PAMR1: variants seen among roughly 807,000 people sequenced by gnomAD.
The protein encoded by PAMR1 is inactive serine protease PAMR1.
A neutral mutation model predicts 81.8 loss-of-function variants in PAMR1; 88 were observed. The observed-to-expected ratio is 1.08, with a 90% CI of 0.91 to 1.28. PAMR1 has a LOEUF of 1.28. Among genes scored for constraint, PAMR1 ranks in the 50% most tolerant of loss-of-function variants. PAMR1 has a pLI of 0.00. For synonymous variants in PAMR1, 336 were observed against 345.3 expected, an observed-to-expected ratio of 0.97 and a Z score of 0.30; for missense variants, 935 against 919.7, an observed-to-expected ratio of 1.02 and a Z score of -0.21.
At chr11:35,521,492 C>G (rs1291167277) in intron 1 of PAMR1, among the ~76,000 whole-genome samples, 1 of 152,144 alleles carries the variant, frequency 6.6e-6, no homozygotes. Context: ...GAGGATCCAG[C>G]CTACCTCAAG....
At chr11:35,476,750 C>T (rs183377151) in intron 3 of PAMR1, among the ~76,000 whole-genome samples, 2 of 152,198 alleles carry the variant, frequency 1.3e-5, no homozygotes, top group East Asian at 1.9e-4. Context: ...TCAAGCCCTC[C>T]AAAGGTTCTC....
intron 1 of PAMR1, among the ~76,000 whole-genome samples, chr11:35,508,046 C>A (rs1851003343): frequency 6.6e-6 from 1 of 152,114 alleles, no homozygotes; most frequent in Non-Finnish European, 1.5e-5. Flanking sequence ...CTTTTTGCTG[C>A]GTTAAAGAGC....
Position 35,457,138 on chromosome 11 carries a change from A to G in PAMR1, c.820+10863T>C, listed in dbSNP as rs115200176. ...ATCTTGTTAAGCATTATATCTGGGC[A>G]TGTCTGTGAGGGTGTTTCTGGAAGA... On this transcript the variant is annotated intron_variant, in intron 6 of 10. Coordinates refer to ENST00000619888, the MANE Select transcript of PAMR1 (RefSeq NM_001001991.3). Among the ~76,000 whole-genome samples, 526 of 152,278 alleles carry G rather than the reference A, an allele frequency of 3.5e-3. 4 individuals are homozygous for G. Among genetic ancestry groups the G allele is most frequent in the African/African-American group, 0.012 (490 of 41,558 alleles).
At chr11:35,452,115 T>C (rs1215434111) in intron 6 of PAMR1, among the ~76,000 whole-genome samples, 1 of 152,032 alleles carries the variant, frequency 6.6e-6, no homozygotes, top group African/African-American at 2.4e-5. Context: ...AAAATAACTA[T>C]GCTGAATATG....
chr11:35,523,710 T>C (rs1049180089), intron 1 of PAMR1, among the ~76,000 whole-genome samples: 1 of 152,228 alleles, frequency 6.6e-6, no homozygotes, highest in Non-Finnish European at 1.5e-5. Flanking sequence ...GGAAATATTT[T>C]CCTTCTCCAC....
upstream of PAMR1, among the ~76,000 whole-genome samples, chr11:35,526,944 A>G (rs570528873): frequency 6.6e-6 from 1 of 152,312 alleles, no homozygotes; most frequent in South Asian, 2.1e-4. Context: ...GCTGAGCTCA[A>G]AGCAAAGTCT....
intron 2 of PAMR1, 137 bp from the exon 3 acceptor site, chr11:35,492,310 A>G: frequency 1.1e-6 from 1 of 902,558 alleles, no homozygotes; most frequent in Non-Finnish European, 1.7e-6. Flanking sequence ...GTCAGAGCCC[A>G]GAGGAAGAAC....
intron 1 of PAMR1, among the ~76,000 whole-genome samples, chr11:35,522,902 T>C (rs1305562809): frequency 1.3e-5 from 2 of 152,224 alleles, no homozygotes; most frequent in African/African-American, 4.8e-5. Context: ...CTGGACACAT[T>C]AATAAATGTT....
intron 6 of PAMR1, among the ~76,000 whole-genome samples, chr11:35,466,780 A>G (rs1856766422): frequency 6.6e-6 from 1 of 151,822 alleles, no homozygotes; most frequent in Non-Finnish European, 1.5e-5. Context: ...TTCAAAACAT[A>G]CACAAACTTT....
Position 35,494,213 on chromosome 11 carries a change from A to G in PAMR1, c.133T>C (p.Cys45Arg), listed in dbSNP as rs368133345. The G allele has an allele frequency of 3.7e-6, 6 of 1,613,598 alleles. No individual in the cohort carries two copies. The highest frequency in any genetic ancestry group is 4.5e-5 in the East Asian group (2 of 44,888). Residue 45 changes from cysteine (C) to arginine (R), a missense_variant, in exon 2 of 11, where the codon TGC (cysteine) becomes CGC (arginine). Transcript: ENST00000619888. ...CACTCAATCTGATCATATTCACAGC[A>G]CTCCCGACACATGATATTCCACTCT... ...GAEWNIMCRE[C>R]CEYDQIECVC...
rs1855914346 is a variant in PAMR1, at chr11:35,431,976, T to C, written c.*380A>G. Reference sequence around the variant, plus strand: ...CTGGGCTGTCCCACAGGCAGCTCTCTAGAACTTGAGAGCCTCAAAAGGGGC... The same window carrying C: ...CTGGGCTGTCCCACAGGCAGCTCTCCAGAACTTGAGAGCCTCAAAAGGGGC... On this transcript the variant is annotated 3_prime_UTR_variant, in exon 11 of 11. Coordinates refer to ENST00000619888, the MANE Select transcript of PAMR1 (RefSeq NM_001001991.3). 4.1e-6 allele frequency: 1 copy of C among 243,264 alleles called. No individual in the cohort carries two copies. Among genetic ancestry groups the C allele is most frequent in the Non-Finnish European group, 8.0e-6 (1 of 124,440 alleles). 15.1% of individuals were successfully genotyped at this position (243,264 alleles called of 1,614,324 possible). A position where few individuals can be genotyped will look rare whatever the true frequency, so the allele number is the denominator to read the frequency against.
At chr11:35,461,242 CAAGCAAAGCGT>C (rs1305099124) in intron 6 of PAMR1, among the ~76,000 whole-genome samples, 7 of 152,222 alleles carry the variant, frequency 4.6e-5, no homozygotes, top group Admixed American at 2.0e-4. Flanking sequence ...CAGACAGGTG[CAAGCAAAGCGT>C]AAGCAAAGCG....
At chr11:35,522,469 G>C (rs1851303756) in intron 1 of PAMR1, among the ~76,000 whole-genome samples, 1 of 152,078 alleles carries the variant, frequency 6.6e-6, no homozygotes, top group Middle Eastern at 3.2e-3. Context: ...TTTTGTGTCT[G>C]GCTTCTTTCA....
chr11:35,517,577 T>C (rs1590399692), intron 1 of PAMR1, among the ~76,000 whole-genome samples: 2 of 152,222 alleles, frequency 1.3e-5, no homozygotes, highest in African/African-American at 4.8e-5. Flanking sequence ...TATTTCATTA[T>C]AAAAAATGAA....
At chr11:35,502,231 G>T (rs1002829620) in intron 1 of PAMR1, among the ~76,000 whole-genome samples, 2 of 151,748 alleles carry the variant, frequency 1.3e-5, no homozygotes, top group Admixed American at 1.3e-4. Flanking sequence ...CAGATCTTTT[G>T]CCCATTTTTA....
At chr11:35,483,561 T>A (rs1197876527) in intron 3 of PAMR1, among the ~76,000 whole-genome samples, 1 of 152,128 alleles carries the variant, frequency 6.6e-6, no homozygotes, top group Admixed American at 6.5e-5. Context: ...GGTAGGCCCC[T>A]TCCTGCACTT....
At chr11:35,500,709 C>T (rs923612602) in intron 1 of PAMR1, among the ~76,000 whole-genome samples, 2 of 152,172 alleles carry the variant, frequency 1.3e-5, no homozygotes, top group Non-Finnish European at 2.9e-5. Context: ...GCAATTTCAT[C>T]GTTGTGTGAA....
chr11:35,442,029 G>A (rs964400482), intron 6 of PAMR1, among the ~76,000 whole-genome samples: 6 of 151,910 alleles, frequency 3.9e-5, no homozygotes, highest in African/African-American at 7.3e-5. Context: ...TTTTATTATC[G>A]GTATACAAGG....
upstream of PAMR1, chr11:35,525,840 C>G (rs1851377507): frequency 1.8e-6 from 1 of 546,196 alleles, no homozygotes; most frequent in Non-Finnish European, 3.3e-6. Context: ...TGGAGACCCG[C>G]GGACGGCGGC....
Sources: allele counts gnomAD v4.1 joint callset (sites outside exome capture counted in the v4.1 genomes callset), GRCh38; gene constraint gnomAD v4.1.1; transcripts MANE v1.5; gene names NCBI Gene and HGNC (gene_info 2026-07-23, HGNC 2026-07-21).